Variants in HMGB1 observed in about 807,000 individuals in gnomAD.
The protein encoded by HMGB1 is high mobility group box 1, also known as high mobility group protein B1.
For synonymous variants in HMGB1, 81 were observed against 84.0 expected, an observed-to-expected ratio of 0.96 and a Z score of 0.19; for missense variants, 79 against 253.5, an observed-to-expected ratio of 0.31 and a Z score of 4.67.
intron 1 of HMGB1, among the ~76,000 whole-genome samples, chr13:30,591,027 C>CTTTTT (rs910554887): frequency 4.3e-4 from 47 of 109,926 alleles, no homozygotes; most frequent in African/African-American, 1.5e-3. Context: ...GAGGCAGGGC[C>CTTTTT]TTTTTTTTTT....
chr13:30,482,744 T>A (rs533776546), intron 1 of HMGB1, among the ~76,000 whole-genome samples: 3 of 151,370 alleles, frequency 2.0e-5, no homozygotes, highest in Admixed American at 6.6e-5. Flanking sequence ...TTGCGGGAAA[T>A]AAAAAAAATA....
intron 1 of HMGB1, among the ~76,000 whole-genome samples, chr13:30,520,927 A>C (rs1312021337): frequency 6.6e-6 from 1 of 152,196 alleles, no homozygotes; most frequent in Non-Finnish European, 1.5e-5. Context: ...GGTTCCCAGG[A>C]AGGAAAGGAG....
At chr13:30,534,140 G>T (rs974695721) in intron 1 of HMGB1, among the ~76,000 whole-genome samples, 8 of 152,184 alleles carry the variant, frequency 5.3e-5, no homozygotes, top group Admixed American at 3.9e-4. Context: ...TTATATGCGT[G>T]AGCCACCGCG....
chr13:30,566,095 A>G (rs894499546), intron 1 of HMGB1, among the ~76,000 whole-genome samples: 2 of 152,152 alleles, frequency 1.3e-5, no homozygotes, highest in Non-Finnish European at 2.9e-5. Context: ...CCAGCTGACA[A>G]GGGCTTGTAC....
At chr13:30,462,469 TCAAA>T in intron 4 of HMGB1, 65 bp downstream of exon 4, 1 of 1,294,904 alleles carries the variant, frequency 7.7e-7, no homozygotes, top group Non-Finnish European at 1.1e-6. Flanking sequence ...TTATTACACC[TCAAA>T]CTAAGTACAA....
intron 1 of HMGB1, among the ~76,000 whole-genome samples, chr13:30,517,030 G>A (rs1021811334): frequency 1.3e-5 from 2 of 152,200 alleles, no homozygotes; most frequent in Admixed American, 1.3e-4. Context: ...TATTTCGAAT[G>A]TGAAGAAATT....
chr13:30,581,050 G>T (rs987064232), intron 1 of HMGB1, among the ~76,000 whole-genome samples: 3 of 152,158 alleles, frequency 2.0e-5, no homozygotes, highest in Non-Finnish European at 4.4e-5. Context: ...TCTTGCCAAA[G>T]AGGTGGGATT....
intron 4 of HMGB1, chr13:30,461,820 C>T (rs549444992): frequency 9.0e-6 from 5 of 553,448 alleles, no homozygotes; most frequent in African/African-American, 1.9e-5. Context: ...TCTATTAAAA[C>T]CAGAATGTAG....
chr13:30,607,315 C>G (rs768076957), intron 1 of HMGB1, among the ~76,000 whole-genome samples: 20 of 152,198 alleles, frequency 1.3e-4, no homozygotes, highest in Non-Finnish European at 2.6e-4. Context: ...ATTGTAATCC[C>G]CACGTGTCAA....
At chr13:30,470,300 T>G (rs1246798455), upstream of HMGB1, among the ~76,000 whole-genome samples, 1 of 152,238 alleles carries the variant, frequency 6.6e-6, no homozygotes, top group Non-Finnish European at 1.5e-5. Context: ...TATTGCAAAT[T>G]ATTGTTTTAA....
At chr13:30,504,817 C>T (rs574735537) in intron 1 of HMGB1, among the ~76,000 whole-genome samples, 24 of 152,212 alleles carry the variant, frequency 1.6e-4, no homozygotes, top group African/African-American at 3.9e-4. Flanking sequence ...GGTGAGAGAA[C>T]GAAGGAGAGC....
At chr13:30,577,447 A>G (rs1013528795) in intron 1 of HMGB1, among the ~76,000 whole-genome samples, 1 of 151,992 alleles carries the variant, frequency 6.6e-6, no homozygotes, top group Admixed American at 6.6e-5. Flanking sequence ...GCTGTGAGAA[A>G]ATTTCTGTTG....
At chr13:30,519,016 G>A (rs1466154503) in intron 1 of HMGB1, among the ~76,000 whole-genome samples, 1 of 151,982 alleles carries the variant, frequency 6.6e-6, no homozygotes, top group Non-Finnish European at 1.5e-5. Context: ...GAGCCACTGT[G>A]CCCAGCCCAA....
At chr13:30,516,714 TTGAGACCAGCCTGAGCACCATAG>T (rs1319117099) in intron 1 of HMGB1, among the ~76,000 whole-genome samples, 3 of 152,128 alleles carry the variant, frequency 2.0e-5, no homozygotes, top group Non-Finnish European at 4.4e-5. Flanking sequence ...GTCTATGAGT[TTGAGACCAGCCTGAGCACCATAG>T]TGAGACCCTG....
intron 1 of HMGB1, among the ~76,000 whole-genome samples, chr13:30,521,306 A>T (rs9506321): frequency 2.0e-5 from 3 of 152,232 alleles, no homozygotes; most frequent in Non-Finnish European, 4.4e-5. Context: ...GAATGTACTG[A>T]TAATCAATTT....
rs146453534 is a variant in HMGB1, at chr13:30,551,997, C to T, written c.-15+64674G>A. Among the ~76,000 whole-genome samples the T allele has an allele frequency of 4.8e-3, 733 of 152,204 alleles. 9 individuals carry two copies. The highest frequency in any genetic ancestry group is 0.016 in the African/African-American group (675 of 41,542). On this transcript the variant is annotated intron_variant, in intron 1 of 4. Transcript: ENST00000405805. ...GTGTGAGCCACTGCACCTGGCCAAT[C>T]GCTGCAATTTTAAAAATGCCCCAAG...
intron 1 of HMGB1, among the ~76,000 whole-genome samples, chr13:30,488,866 C>A (rs1164293219): frequency 6.6e-6 from 1 of 151,784 alleles, no homozygotes; most frequent in Non-Finnish European, 1.5e-5. Flanking sequence ...CTGTCCTCCA[C>A]ACACCTAACA....
At chr13:30,464,885 G>A (rs909957603) in intron 1 of HMGB1, 3 of 147,758 alleles carry the variant, frequency 2.0e-5, no homozygotes, top group East Asian at 2.1e-4. Context: ...ATTACGGCCG[G>A]GGGAGGGGCG....
At chr13:30,558,397 A>G (rs1291462402) in intron 1 of HMGB1, among the ~76,000 whole-genome samples, 1 of 152,242 alleles carries the variant, frequency 6.6e-6, no homozygotes, top group African/African-American at 2.4e-5. Context: ...TATATCTTAC[A>G]TCTCATTCTT....
Sources: allele counts gnomAD v4.1 joint callset (sites outside exome capture counted in the v4.1 genomes callset), GRCh38; gene constraint gnomAD v4.1.1; transcripts MANE v1.5; gene names NCBI Gene and HGNC (gene_info 2026-07-23, HGNC 2026-07-21).